Variants in PRH1 observed in about 807,000 individuals in gnomAD.
PRH1 encodes the protein proline rich protein HaeIII subfamily 1.
Under a neutral mutation model 7.9 loss-of-function variants are expected in PRH1, and 7 were observed. The observed-to-expected ratio is 0.89, with a 90% CI of 0.50 to 1.67. The LOEUF (loss-of-function observed/expected upper bound fraction) is 1.67. Among genes scored for constraint, PRH1 ranks in the 40% most tolerant of loss-of-function variants. The pLI is 0.00. For missense variants in PRH1, 109 were observed against 223.6 expected, an observed-to-expected ratio of 0.49 and a Z score of 3.27; for synonymous variants, 45 against 80.8, an observed-to-expected ratio of 0.56 and a Z score of 2.38.
chr12:10,947,413 T>A (rs1236838248), intron 2 of PRH1, among the ~76,000 whole-genome samples: 1 of 151,854 alleles, frequency 6.6e-6, no homozygotes, highest in African/African-American at 2.4e-5. Flanking sequence ...AAAACTTTCA[T>A]TTGTTTGAAA....
At chr12:11,118,291 TACGAATGTCAAACAG>T (rs1256760437), downstream of PRH1, among the ~76,000 whole-genome samples, 2 of 152,164 alleles carry the variant, frequency 1.3e-5, no homozygotes, top group African/African-American at 2.4e-5. Flanking sequence ...AAACAAGATA[TACGAATGTCAAACAG>T]ACATGTGAAA....
downstream of PRH1, among the ~76,000 whole-genome samples, chr12:11,115,951 A>G (rs540242561): frequency 6.6e-6 from 1 of 152,146 alleles, no homozygotes; most frequent in Admixed American, 6.5e-5. Flanking sequence ...AAGAAGAAAA[A>G]CTTGAAATAA....
intron 2 of PRH1, among the ~76,000 whole-genome samples, chr12:10,928,925 C>T (rs536542601): frequency 6.6e-6 from 1 of 152,284 alleles, no homozygotes; most frequent in Admixed American, 6.5e-5. Context: ...AGCAGAATAG[C>T]AGTCTTTCCA....
At chr12:11,167,166 C>T (rs146637458) in intron 1 of PRH1, among the ~76,000 whole-genome samples, 47 of 152,274 alleles carry the variant, frequency 3.1e-4, no homozygotes, top group African/African-American at 1.1e-3. Flanking sequence ...CCTCCTATAC[C>T]GTGTACCATA....
At chr12:10,909,852 C>G (rs1949869444) in intron 2 of PRH1, among the ~76,000 whole-genome samples, 1 of 152,144 alleles carries the variant, frequency 6.6e-6, no homozygotes, top group Non-Finnish European at 1.5e-5. Context: ...GGAGCTAAAG[C>G]TGGATCTGGT....
chr12:11,091,501 C>T, intron 1 of PRH1: 3 of 1,411,178 alleles, frequency 2.1e-6, no homozygotes, highest in Non-Finnish European at 3.0e-6. Flanking sequence ...TCATTATGGA[C>T]AGAAAGTAAA....
intron 1 of PRH1, among the ~76,000 whole-genome samples, chr12:11,074,065 G>A (rs375702683): frequency 0.34 from 32,604 of 95,536 alleles, 7,870 homozygotes; most frequent in Middle Eastern, 0.45. Context: ...ACAAACATGT[G>A]CTTCCTCAGA....
At chr12:11,076,411 T>A (rs1306399116) in intron 1 of PRH1, among the ~76,000 whole-genome samples, 1 of 134,438 alleles carries the variant, frequency 7.4e-6, no homozygotes, top group Non-Finnish European at 1.6e-5. Context: ...ATAGTTTCTA[T>A]ACTCTCTTTG....
intron 1 of PRH1, among the ~76,000 whole-genome samples, chr12:11,163,676 A>C (rs1947483160): frequency 6.6e-6 from 1 of 152,226 alleles, no homozygotes; most frequent in African/African-American, 2.4e-5. Flanking sequence ...TTATTTTTAA[A>C]ATCTATTCTG....
At chr12:11,059,827 T>C (rs1289096607) in intron 1 of PRH1, among the ~76,000 whole-genome samples, 3 of 152,202 alleles carry the variant, frequency 2.0e-5, no homozygotes, top group Non-Finnish European at 4.4e-5. Context: ...TTCCCTTTCA[T>C]TGGTTTACCA....
intron 2 of PRH1, among the ~76,000 whole-genome samples, chr12:10,932,908 A>T (rs2135872918): frequency 6.6e-6 from 1 of 152,356 alleles, no homozygotes; most frequent in South Asian, 2.1e-4. Flanking sequence ...GAGTATTGAA[A>T]AAAAAGTAAG....
At chr12:11,057,005 C>CTTTTTTTTTTTT (rs66633867) in intron 1 of PRH1, among the ~76,000 whole-genome samples, 1 of 146,066 alleles carries the variant, frequency 6.8e-6, no homozygotes, top group Non-Finnish European at 1.5e-5. Context: ...AGAACTTTCA[C>CTTTTTTTTTTTT]TTTTTTTTTT....
chr12:10,985,999 G>C (rs1344464228), intron 1 of PRH1: 1 of 1,613,612 alleles, frequency 6.2e-7, no homozygotes, highest in Non-Finnish European at 8.5e-7. Flanking sequence ...AGAAAGGTGT[G>C]TTTTAGCTTC....
At chr12:10,969,680 T>G (rs1938701800) in intron 2 of PRH1, among the ~76,000 whole-genome samples, 2 of 152,360 alleles carry the variant, frequency 1.3e-5, no homozygotes, top group South Asian at 4.1e-4. Context: ...CATGTACAAA[T>G]ACTCTGTGCA....
At chr12:11,041,920 T>A (rs1165036853) in intron 1 of PRH1, among the ~76,000 whole-genome samples, 1 of 152,092 alleles carries the variant, frequency 6.6e-6, no homozygotes, top group East Asian at 1.9e-4. Context: ...GGAAAATTGC[T>A]AGAAACAAAT....
At chr12:10,941,207 A>G (rs1950394422) in intron 2 of PRH1, among the ~76,000 whole-genome samples, 1 of 152,206 alleles carries the variant, frequency 6.6e-6, no homozygotes, top group Non-Finnish European at 1.5e-5. Flanking sequence ...TCACGTCTCC[A>G]GTGAGAGCTA....
upstream of PRH1, among the ~76,000 whole-genome samples, chr12:10,884,892 G>A (rs1470742669): frequency 6.6e-6 from 1 of 152,086 alleles, no homozygotes; most frequent in Middle Eastern, 3.2e-3. Flanking sequence ...CTACACTCAG[G>A]CAAGCCTTGG....
chr12:10,938,502 A>G (rs1210913738), intron 2 of PRH1: 2 of 1,614,114 alleles, frequency 1.2e-6, no homozygotes, highest in Non-Finnish European at 1.7e-6. Context: ...AGTAGGAAGA[A>G]AGTGATCACA....
At chr12:11,062,133 G>A (rs1424803684) in intron 1 of PRH1, 1 of 1,613,506 alleles carries the variant, frequency 6.2e-7, no homozygotes, top group African/African-American at 1.3e-5. Context: ...AACCAACTCT[G>A]GAGACTGCCA....
Sources: allele counts gnomAD v4.1 joint callset (sites outside exome capture counted in the v4.1 genomes callset), GRCh38; gene constraint gnomAD v4.1.1; transcripts MANE v1.5; gene names NCBI Gene and HGNC (gene_info 2026-07-23, HGNC 2026-07-21).